Variants in KCNC2 observed in about 807,000 individuals in gnomAD.
KCNC2 encodes voltage-gated potassium channel KCNC2.
KCNC2 carries 21 observed loss-of-function variants against 44.5 expected under a neutral mutation model. The ratio of observed to expected loss-of-function variants is 0.47; its 90% CI spans 0.33 to 0.68. The LOEUF (loss-of-function observed/expected upper bound fraction) is 0.68. Among genes scored for constraint, KCNC2 ranks in the 30% least tolerant of loss-of-function variants. The pLI is 0.01. For synonymous variants in KCNC2, 391 were observed against 339.1 expected, an observed-to-expected ratio of 1.15 and a Z score of -1.68; for missense variants, 589 against 826.2, an observed-to-expected ratio of 0.71 and a Z score of 3.52.
chr12:75,092,848 A>C (rs1482543311), intron 2 of KCNC2, among the ~76,000 whole-genome samples: 2 of 151,652 alleles, frequency 1.3e-5, no homozygotes, highest in Non-Finnish European at 3.0e-5. Context: ...ACAAGTTAAT[A>C]GCTTTGCTGA....
In KCNC2 at chr12:75,043,229, G is replaced by T; in HGVS notation, c.1793C>A (p.Ser598Tyr). The change falls in exon 5 of 5, where the codon TCC becomes TAC. Residue 598 changes from serine to tyrosine, a missense_variant. By Grantham distance (144) the Ser-to-Tyr change is moderately radical. This residue lies in a region of KCNC2 where 171 missense variants were observed against 182.4 expected (regional missense o/e 0.94). Transcript: ENST00000549446. ...DGGIRKGYEK[S>Y]RSLNNIAGLA... ...GCCCGCTATGTTGTTTAAGCTTCGG[G>T]ATTTTTCATATCCTTTTATGAAAAA... is the stretch of plus-strand genomic sequence containing the variant. 1 of 1,611,850 alleles carries T rather than the reference G, an allele frequency of 6.2e-7. No homozygotes were observed. Among genetic ancestry groups the T allele is most frequent in the Non-Finnish European group, 8.5e-7 (1 of 1,178,708 alleles).
At chr12:75,075,874 A>AC (rs759200260) in intron 2 of KCNC2, among the ~76,000 whole-genome samples, 5 of 152,148 alleles carry the variant, frequency 3.3e-5, no homozygotes, top group Non-Finnish European at 7.4e-5. Context: ...TCCTATCTCC[A>AC]CCTGCCTTAA....
chr12:75,045,362 TC>T (rs1426423165), intron 4 of KCNC2, among the ~76,000 whole-genome samples: 1 of 151,988 alleles, frequency 6.6e-6, no homozygotes, highest in Non-Finnish European at 1.5e-5. Context: ...CTATAAATAT[TC>T]TATTCTGTTT....
chr12:75,208,814 G>GTTA (rs753552627), intron 1 of KCNC2, among the ~76,000 whole-genome samples: 34 of 151,914 alleles, frequency 2.2e-4, no homozygotes, highest in South Asian at 4.1e-4. Context: ...TCCTTTTCAC[G>GTTA]TTATTATTAT....
rs534348236 is a variant in KCNC2, at chr12:75,150,737, T to C, written c.687+56560A>G. The stretch of plus-strand genomic sequence containing the variant: ...ATCAAGATTTTATAGTTACATTTAA[T>C]ACAAATATGGCAATATTTCACATAT... On this transcript the variant is annotated intron_variant, in intron 2 of 4. Transcript: ENST00000549446. Among the ~76,000 whole-genome samples, 41 of 152,022 alleles carry C rather than the reference T, an allele frequency of 2.7e-4. No individual in the cohort carries two copies. In the South Asian group the frequency reaches 3.7e-3, roughly 14 times the overall value.
chr12:75,097,320 T>G (rs992791216), intron 2 of KCNC2, among the ~76,000 whole-genome samples: 1 of 152,104 alleles, frequency 6.6e-6, no homozygotes, highest in Admixed American at 6.6e-5. Context: ...GATTCTGTAA[T>G]TGTGAATACC....
intron 1 of KCNC2, among the ~76,000 whole-genome samples, chr12:75,208,434 A>T (rs1458011506): frequency 2.0e-5 from 2 of 100,952 alleles, no homozygotes; most frequent in African/African-American, 8.0e-5. Flanking sequence ...CCTTTGCCCC[A>T]TTCTCTCCTC....
rs188174921 is a variant in KCNC2, at chr12:75,105,730, C to A, written c.688-54413G>T. On this transcript the variant is annotated intron_variant, in intron 2 of 4. Transcript: ENST00000549446. ...AAATCGAAGAATCAAGTTGCCATAT[C>A]ATGAGATGGGGAAGACTTTTGGAGG... Among the ~76,000 whole-genome samples the A allele has an allele frequency of 3.0e-4, 46 of 152,182 alleles. No homozygotes were observed. In the East Asian group the frequency reaches 4.1e-3, roughly 13 times the overall value.
At chr12:75,209,065 C>G (rs2031942168) in intron 1 of KCNC2, 142 bp downstream of exon 1, 1 of 152,370 alleles carries the variant, frequency 6.6e-6, no homozygotes, top group East Asian at 1.9e-4. Flanking sequence ...CTGTTTCCAG[C>G]CTCCCAGCCA....
At chr12:75,181,376 A>G (rs544152017) in intron 2 of KCNC2, among the ~76,000 whole-genome samples, 8 of 152,326 alleles carry the variant, frequency 5.3e-5, no homozygotes, top group South Asian at 4.1e-4. Flanking sequence ...ACATATCTGC[A>G]TATCTACAGC....
chr12:75,124,664 A>T (rs555236475), intron 2 of KCNC2: 16 of 152,254 alleles, frequency 1.1e-4, no homozygotes, highest in East Asian at 1.9e-4. Flanking sequence ...AAAATTTAAA[A>T]TTTTTTTAAA....
intron 2 of KCNC2, among the ~76,000 whole-genome samples, chr12:75,185,558 C>T (rs1480503453): frequency 1.3e-5 from 2 of 151,786 alleles, no homozygotes; most frequent in South Asian, 2.1e-4. Flanking sequence ...AATAAGAAGG[C>T]CCACACTAGA....
chr12:75,056,469 G>T (rs1881757155), intron 2 of KCNC2, among the ~76,000 whole-genome samples: 1 of 151,794 alleles, frequency 6.6e-6, no homozygotes, highest in South Asian at 2.1e-4. Context: ...TACATAAGTT[G>T]CATTATTTTT....
chr12:75,115,001 C>G (rs1887551644), intron 2 of KCNC2, among the ~76,000 whole-genome samples: 1 of 151,564 alleles, frequency 6.6e-6, no homozygotes, highest in Admixed American at 6.6e-5. Flanking sequence ...ATAGCTGGGA[C>G]TACAGGCGCC....
intron 2 of KCNC2, among the ~76,000 whole-genome samples, chr12:75,139,058 C>T (rs1889455990): frequency 1.3e-5 from 2 of 149,704 alleles, no homozygotes; most frequent in Admixed American, 1.3e-4. Flanking sequence ...AGAGAAGGTG[C>T]CAGTAATACT....
At chr12:75,092,935 A>G (rs546214065) in intron 2 of KCNC2, among the ~76,000 whole-genome samples, 65 of 151,466 alleles carry the variant, frequency 4.3e-4, no homozygotes, top group African/African-American at 1.5e-3. Flanking sequence ...CAATCTGTTC[A>G]TCACTAATCT....
intron 2 of KCNC2, among the ~76,000 whole-genome samples, chr12:75,149,023 A>T (rs1258144581): frequency 6.6e-6 from 1 of 151,628 alleles, no homozygotes; most frequent in Non-Finnish European, 1.5e-5. Flanking sequence ...AGAATCATAG[A>T]GGAAATTGAA....
At chr12:75,200,750 G>A (rs552583693) in intron 2 of KCNC2, among the ~76,000 whole-genome samples, 15 of 151,484 alleles carry the variant, frequency 9.9e-5, no homozygotes, top group African/African-American at 3.6e-4. Context: ...TGAACATTAT[G>A]AACAAAATAT....
chr12:75,048,868 G>A (rs1174962115), intron 3 of KCNC2, among the ~76,000 whole-genome samples: 1 of 152,052 alleles, frequency 6.6e-6, no homozygotes, highest in Non-Finnish European at 1.5e-5. Flanking sequence ...GCATGCAGTG[G>A]AACAAGGCCA....
Sources: gnomAD v4.1 joint callset for allele counts (sites outside exome capture counted in the v4.1 genomes callset) on GRCh38, gnomAD v4.1.1 for gene constraint, gnomAD v4.1.1 regional missense constraint, MANE v1.5 for transcripts, NCBI Gene and HGNC (gene_info 2026-07-23, HGNC 2026-07-21) for gene names.